Variants in CNTN3 observed in about 807,000 individuals in gnomAD.
The protein encoded by CNTN3 is contactin 3, also known as contactin-3.
In CNTN3, 60 loss-of-function variants were observed where a neutral mutation model predicts 119.1. That is an observed-to-expected ratio of 0.50 (90% CI 0.41 to 0.62). The LOEUF (loss-of-function observed/expected upper bound fraction) is 0.62. Ranked by LOEUF, CNTN3 falls within the 20% of genes least tolerant of loss-of-function variation. The pLI is 0.00. For missense variants in CNTN3, 1,101 were observed against 1,242.4 expected (o/e 0.89, Z 1.71); for synonymous variants, 450 against 438.7 (o/e 1.03, Z -0.32).
chr3:74,313,547 C>A (rs1006567271), intron 13 of CNTN3, among the ~76,000 whole-genome samples: 1 of 152,112 alleles, frequency 6.6e-6, no homozygotes, highest in African/African-American at 2.4e-5. Context: ...GCTTAGAAAT[C>A]ACTGACATGA....
intron 13 of CNTN3, among the ~76,000 whole-genome samples, chr3:74,314,272 A>G (rs1445989497): frequency 1.3e-5 from 2 of 152,224 alleles, no homozygotes; most frequent in African/African-American, 4.8e-5. Flanking sequence ...AAAAAATAGA[A>G]AACTGTAAGA....
chr3:74,574,132 T>C (rs1156252638), intron 1 of CNTN3, among the ~76,000 whole-genome samples: 3 of 152,156 alleles, frequency 2.0e-5, no homozygotes, highest in Non-Finnish European at 4.4e-5. Flanking sequence ...GAATAAACTA[T>C]TGATACATGC....
At chr3:74,585,603 G>A (rs1377544094) in intron 1 of CNTN3, among the ~76,000 whole-genome samples, 5 of 152,000 alleles carry the variant, frequency 3.3e-5, no homozygotes, top group Non-Finnish European at 7.4e-5. Flanking sequence ...TCGATCTTTT[G>A]TAGGACCAAA....
At chr3:74,278,100 T>A (rs542579944) in intron 20 of CNTN3, among the ~76,000 whole-genome samples, 8 of 151,554 alleles carry the variant, frequency 5.3e-5, no homozygotes, top group East Asian at 3.9e-4. Flanking sequence ...AAAACACTGC[T>A]GCAAGAAATC....
Position 74,334,917 on chromosome 3 carries a change from G to A in CNTN3, c.1493-7C>T, listed in dbSNP as rs766281166. On this transcript the variant is annotated splice_region_variant and splice_polypyrimidine_tract_variant and intron_variant, in intron 12 of 22. Transcript: ENST00000263665. ...AAAGTTATTCTTGTTGGTTCTATTGGGGAAATAATTTTTCAGAAAAACAGC... is the reference window on the plus strand; with the variant it reads ...AAAGTTATTCTTGTTGGTTCTATTGAGGAAATAATTTTTCAGAAAAACAGC... 6.3e-7 allele frequency: 1 copy of A among 1,597,444 alleles called. No homozygotes were observed. Among genetic ancestry groups the A allele is most frequent in the Non-Finnish European group, 8.5e-7 (1 of 1,172,924 alleles).
chr3:74,270,174 T>G (rs1701743707), intron 20 of CNTN3, among the ~76,000 whole-genome samples: 1 of 152,174 alleles, frequency 6.6e-6, no homozygotes, highest in African/African-American at 2.4e-5. Flanking sequence ...GCTATGGGAC[T>G]TGTGGTTCCC....
chr3:74,607,118 T>A (rs1705005698), intron 1 of CNTN3, among the ~76,000 whole-genome samples: 1 of 152,116 alleles, frequency 6.6e-6, no homozygotes, highest in Non-Finnish European at 1.5e-5. Flanking sequence ...GCCTCGTATA[T>A]GCAAATGTGA....
rs114846861 is a variant in CNTN3, at chr3:74,424,784, C to T, written c.454+61G>A. 6,212 of 1,325,974 alleles carry T rather than the reference C, an allele frequency of 4.7e-3. 213 individuals are homozygous for T. In the African/African-American group the frequency reaches 0.074, roughly 16 times the overall value. 82.1% of individuals were successfully genotyped at this position (1,325,974 alleles called of 1,614,324 possible). ...TTTACAGATGCAATAACAGTACATG[C>T]GCTGCAGGCCTTGCCCTGAACCTTA... is the stretch of plus-strand genomic sequence containing the variant. On this transcript the variant is annotated intron_variant, in intron 5 of 22. Coordinates refer to ENST00000263665, the MANE Select transcript of CNTN3 (RefSeq NM_020872.3).
intron 1 of CNTN3, among the ~76,000 whole-genome samples, chr3:74,580,515 T>C (rs1704487250): frequency 6.6e-6 from 1 of 152,114 alleles, no homozygotes; most frequent in Non-Finnish European, 1.5e-5. Context: ...CTTAAAAATA[T>C]TACCAAATCA....
Position 74,371,347 on chromosome 3 carries a change from A to C in CNTN3, c.507T>G (p.Asp169Glu), listed in dbSNP as rs575796079. Residue 169 changes from aspartate (D) to glutamate (E), a missense_variant, in exon 6 of 23, where the codon GAT (aspartate) becomes GAG (glutamate). Physicochemically the swap from Asp to Glu is conservative, Grantham distance 45. Transcript: ENST00000263665. ...TCTCCTGGGAGACAAATCTCCGACT[A>C]TCTTCTTCAACAAACGATGGGTATT... ...FNEYPSFVEE[D>E]SRRFVSQETG... The C allele has an allele frequency of 1.2e-4, 194 of 1,613,490 alleles. No homozygotes were observed. Among genetic ancestry groups the C allele is most frequent in the Non-Finnish European group, 1.6e-4 (183 of 1,179,628 alleles).
intron 13 of CNTN3, among the ~76,000 whole-genome samples, chr3:74,306,214 C>CAAAAAA (rs79818182): frequency 1.2e-5 from 1 of 84,190 alleles, no homozygotes; most frequent in African/African-American, 4.4e-5. Flanking sequence ...GAGAAATGTC[C>CAAAAAA]AAAAAAAAAA....
intron 13 of CNTN3, among the ~76,000 whole-genome samples, chr3:74,310,756 A>G (rs1204824258): frequency 6.6e-6 from 1 of 152,198 alleles, no homozygotes; most frequent in Admixed American, 6.5e-5. Context: ...AGATTTTACT[A>G]CTTGGTAGGG....
intron 4 of CNTN3, among the ~76,000 whole-genome samples, chr3:74,437,890 G>A (rs187870237): frequency 6.6e-6 from 1 of 152,016 alleles, no homozygotes; most frequent in Non-Finnish European, 1.5e-5. Flanking sequence ...ATTTCAATGG[G>A]GCAACAGAAA....
At chr3:74,610,731 T>C (rs1186032014) in intron 1 of CNTN3, among the ~76,000 whole-genome samples, 2 of 151,718 alleles carry the variant, frequency 1.3e-5, no homozygotes, top group Non-Finnish European at 2.9e-5. Context: ...GAAGCCAGTG[T>C]AGTTATCCCA....
chr3:74,556,410 C>A (rs753732779), intron 1 of CNTN3, among the ~76,000 whole-genome samples: 2 of 152,090 alleles, frequency 1.3e-5, no homozygotes, highest in Non-Finnish European at 2.9e-5. Flanking sequence ...AATATGTGAT[C>A]TTTTGTAATG....
At chr3:74,579,306 T>C (rs1704466035) in intron 1 of CNTN3, among the ~76,000 whole-genome samples, 1 of 151,320 alleles carries the variant, frequency 6.6e-6, no homozygotes, top group African/African-American at 2.4e-5. Flanking sequence ...CAATAATAGT[T>C]GAAGACTTTA....
intron 5 of CNTN3, among the ~76,000 whole-genome samples, chr3:74,386,988 G>A (rs1305566992): frequency 6.6e-6 from 1 of 152,180 alleles, no homozygotes; most frequent in Non-Finnish European, 1.5e-5. Context: ...TGAGAAAATG[G>A]TGTCTGAGGC....
chr3:74,572,590 T>C (rs1704352262), intron 1 of CNTN3, among the ~76,000 whole-genome samples: 1 of 152,230 alleles, frequency 6.6e-6, no homozygotes, highest in African/African-American at 2.4e-5. Context: ...TCTGTGCATA[T>C]GTGTGTAAAA....
chr3:74,273,670 C>T (rs897363990), intron 20 of CNTN3, among the ~76,000 whole-genome samples: 3 of 152,158 alleles, frequency 2.0e-5, no homozygotes, highest in African/African-American at 7.2e-5. Context: ...TGTGAGTTCG[C>T]TGGGTCCCCA....
Sources: allele counts gnomAD v4.1 joint callset (sites outside exome capture counted in the v4.1 genomes callset), GRCh38; gene constraint gnomAD v4.1.1; transcripts MANE v1.5; gene names NCBI Gene and HGNC (gene_info 2026-07-23, HGNC 2026-07-21).